DLG4: variants seen among roughly 807,000 people sequenced by gnomAD.
DLG4 encodes the protein discs large MAGUK scaffold protein 4.
A neutral mutation model predicts 93.8 loss-of-function variants in DLG4; 7 were observed. That is an observed-to-expected ratio of 0.07 (90% CI 0.04 to 0.14). The LOEUF is 0.14. Ranked by LOEUF, DLG4 falls within the 10% of genes least tolerant of loss-of-function variation. The pLI is 1.00. For missense variants in DLG4, 545 were observed against 992.9 expected, an observed-to-expected ratio of 0.55 and a Z score of 6.06; for synonymous variants, 341 against 387.6, an observed-to-expected ratio of 0.88 and a Z score of 1.41.
chr17:7,193,914 C>T lies in DLG4; in HGVS notation c.1516-43G>A. ...GCCACGGGGTTAGTTATGAGCTCAGCTCCATGAGCCCTCACACTTCCACCC... is the reference window on the plus strand; with the variant it reads ...GCCACGGGGTTAGTTATGAGCTCAGTTCCATGAGCCCTCACACTTCCACCC... On this transcript the variant is annotated intron_variant, in intron 13 of 19. Transcript: ENST00000399506. This position sits in a 1 kb window ranked among gnomAD's most constrained non-coding sequence, Gnocchi z 6.7. The T allele has an allele frequency of 1.2e-6, 2 of 1,613,020 alleles. No individual in the cohort carries two copies. Among genetic ancestry groups the T allele is most frequent in the Non-Finnish European group, 1.7e-6 (2 of 1,179,398 alleles).
upstream of DLG4, chr17:7,219,555 G>A: frequency 9.1e-7 from 1 of 1,103,490 alleles, no homozygotes; most frequent in Non-Finnish European, 1.1e-6. Flanking sequence ...GAACCCTAGA[G>A]TCTGTCTTTC....
rs1304031313 is a variant in DLG4 at position 7,217,377 on chromosome 17, G to A, written c.-230C>T. ...AAAGGGGCTCCCCAGTGGAGGGGAG[G>A]GGGCTTGGGGAGCACACCCCGATTC... On this transcript the variant is annotated 5_prime_UTR_variant, in exon 1 of 20. Coordinates refer to ENST00000399506, the MANE Select transcript of DLG4 (RefSeq NM_001321075.3). 2 of 514,598 alleles carry A rather than the reference G, an allele frequency of 3.9e-6. No homozygotes were observed. The highest frequency in any genetic ancestry group is 5.9e-6 in the Non-Finnish European group (2 of 337,814). 31.9% of individuals were successfully genotyped at this position (514,598 alleles called of 1,614,324 possible).
rs1022393996 is a variant in DLG4 at position 7,191,940 on chromosome 17, C to T, written c.1929G>A (p.Leu643=). 27 of 1,497,652 alleles carry T rather than the reference C, an allele frequency of 1.8e-5. No individual in the cohort carries two copies. Among genetic ancestry groups the T allele is most frequent in the Middle Eastern group, 1.8e-4 (1 of 5,582 alleles). 92.8% of individuals were successfully genotyped at this position (1,497,652 alleles called of 1,614,324 possible). ...NAVRRLQAAH[L]HPIAIFIRPR... is the part of the protein sequence containing the mutation. ...GGCGGATGAAGATGGCGATGGGGTG[C>T]AGGTGGGCCGCCTGCAGCCGCCGCA... is the stretch of plus-strand genomic sequence containing the variant. The change falls in exon 18 of 20, where the codon CTG becomes CTA. Residue 643 remains leucine (L), a synonymous_variant. Coordinates refer to ENST00000399506, the MANE Select transcript of DLG4 (RefSeq NM_001321075.3). This position sits in a 1 kb window ranked among gnomAD's most constrained non-coding sequence, Gnocchi z 6.6.
upstream of DLG4, chr17:7,219,663 C>T: frequency 1.5e-6 from 2 of 1,305,778 alleles, no homozygotes; most frequent in East Asian, 3.5e-5. Flanking sequence ...ACCTCCATCC[C>T]TCTGGCTGCA....
chr17:7,203,387 C>T lies in DLG4; in HGVS notation c.505+37G>A. 1.9e-6 allele frequency: 3 copies of T among 1,594,178 alleles called. No homozygotes were observed. Among genetic ancestry groups the T allele is most frequent in the Non-Finnish European group, 1.7e-6 (2 of 1,164,312 alleles). On this transcript the variant is annotated intron_variant, in intron 6 of 19. Transcript: ENST00000399506. This position sits in a 1 kb window ranked among gnomAD's most constrained non-coding sequence, Gnocchi z 7.2. ...AGGAAGCAGGCTTGGGGGCACAGGA[C>T]AGTTGGGATGGGGGTGGGAACAAAA...
rs759632708 is a variant in DLG4 at position 7,203,282 on chromosome 17, C to T, written c.553G>A (p.Gly185Arg). ...AGGVGNQHIPGDNSIYVTKII... is the reference protein window; with the variant it reads ...AGGVGNQHIPRDNSIYVTKII... ...TTTGTTACATAGATGCTATTATCTC[C>T]TGGGATGTGCTGGTTCCCTACGCCC... The change falls in exon 7 of 20, where the codon GGA becomes AGA. Residue 185 changes from glycine to arginine, a missense_variant. Physicochemically the swap from Gly to Arg is moderately radical, Grantham distance 125. Transcript: ENST00000399506. The surrounding 1 kb of genome is among the most constrained non-coding windows in gnomAD (Gnocchi z 7.2). 1 of 1,609,112 alleles carries T rather than the reference C, an allele frequency of 6.2e-7. No individual in the cohort carries two copies. Among genetic ancestry groups the T allele is most frequent in the South Asian group, 1.1e-5 (1 of 90,964 alleles).
chr17:7,192,858 G>A, intron 17 of DLG4, 87 bp downstream of exon 17: 1 of 1,401,142 alleles, frequency 7.1e-7, no homozygotes, highest in Non-Finnish European at 9.6e-7. Context: ...AAGAGACAGA[G>A]AGAGAGAGAG....
upstream of DLG4, chr17:7,218,469 G>A: frequency 6.8e-7 from 1 of 1,471,990 alleles, no homozygotes; most frequent in East Asian, 2.5e-5. Context: ...TGATCTCTGG[G>A]CTCCCAAACA....
chr17:7,191,766 T>C lies in DLG4; in HGVS notation c.1976+127A>G. 1 of 657,792 alleles carries C rather than the reference T, an allele frequency of 1.5e-6. No homozygotes were observed. Among genetic ancestry groups the C allele is most frequent in the Non-Finnish European group, 2.6e-6 (1 of 388,854 alleles). 40.7% of individuals were successfully genotyped at this position (657,792 alleles called of 1,614,324 possible). A position where few individuals can be genotyped will look rare whatever the true frequency, so the allele number is the denominator to read the frequency against. On this transcript the variant is annotated intron_variant, in intron 18 of 19. Coordinates refer to ENST00000399506, the MANE Select transcript of DLG4 (RefSeq NM_001321075.3). This position sits in a 1 kb window ranked among gnomAD's most constrained non-coding sequence, Gnocchi z 6.6. ...CCCCACATCCTCTGGGTTCCAGGGA[T>C]CCCCCTCAGGGGCTGCTGAAACCGC...
intron 2 of DLG4, among the ~76,000 whole-genome samples, chr17:7,207,108 G>A (rs2070499311): frequency 1.3e-5 from 2 of 151,916 alleles, no homozygotes; most frequent in African/African-American, 2.4e-5. Flanking sequence ...GATGATGGAG[G>A]GGGCAGAGGG....
At chr17:7,213,335 C>T (rs2142924369) in intron 1 of DLG4, among the ~76,000 whole-genome samples, 1 of 152,062 alleles carries the variant, frequency 6.6e-6, no homozygotes, top group African/African-American at 2.4e-5. Flanking sequence ...CGTGACCTCA[C>T]ATGATCCGCG....
chr17:7,202,710 G>A (rs976831822), intron 8 of DLG4, 193 bp downstream of exon 8: 25 of 739,508 alleles, frequency 3.4e-5, no homozygotes, highest in South Asian at 1.0e-4. Flanking sequence ...GAGAGAGATC[G>A]TTGACGATCT....
In DLG4 at chr17:7,187,638, G is replaced by C. The variant is rs1186312048; in HGVS notation, c.*3070C>G. On this transcript the variant is annotated 3_prime_UTR_variant, in exon 20 of 20. Coordinates refer to ENST00000399506, the MANE Select transcript of DLG4 (RefSeq NM_001321075.3). Reference sequence around the variant, plus strand: ...CAAATATGTGATTCTGCCCCTTCTAGTTTAACACGCAGACGCATTACCTGC... The same window carrying C: ...CAAATATGTGATTCTGCCCCTTCTACTTTAACACGCAGACGCATTACCTGC... Among the ~76,000 whole-genome samples, 1 of 152,076 alleles carries C rather than the reference G, an allele frequency of 6.6e-6. No homozygotes were observed. Among genetic ancestry groups the C allele is most frequent in the African/African-American group, 2.4e-5 (1 of 41,468 alleles).
chr17:7,207,926 G>C, intron 2 of DLG4: 1 of 536,378 alleles, frequency 1.9e-6, no homozygotes, highest in Non-Finnish European at 2.7e-6. Context: ...CCCTCCCCCA[G>C]ACCCCAGGAG....
rs758437498 is a variant in DLG4, at chr17:7,204,240, G to C, written c.109C>G (p.Pro37Ala). The C allele has an allele frequency of 6.3e-7, 1 of 1,595,514 alleles. No homozygotes were observed. The highest frequency in any genetic ancestry group is 8.6e-7 in the Non-Finnish European group (1 of 1,169,072). Reference protein sequence around the residue: ...AHLPNQANSPPVIVNTDTLEA... With the variant: ...AHLPNQANSPAVIVNTDTLEA... Reference sequence around the variant, plus strand: ...AGGGTATCTGTGTTGACAATCACTGGGGGAGAATTGGCCTGTTTGGGAAAA... The same window carrying C: ...AGGGTATCTGTGTTGACAATCACTGCGGGAGAATTGGCCTGTTTGGGAAAA... The change falls in exon 3 of 20, where the codon CCA becomes GCA. Residue 37 changes from proline to alanine, a missense_variant. By Grantham distance (27) the Pro-to-Ala change is conservative (BLOSUM62 -1). Around this residue, in one of 5 missense-constraint regions of DLG4, gnomAD observed 49 missense variants for 80.4 expected, o/e 0.61. Coordinates refer to ENST00000399506, the MANE Select transcript of DLG4 (RefSeq NM_001321075.3).
upstream of DLG4, chr17:7,219,938 A>AGGACGCCG: frequency 1.5e-6 from 1 of 674,800 alleles, no homozygotes. Flanking sequence ...GCAGGACGCC[A>AGGACGCCG]GAGCTGGGTC....
At chr17:7,219,899 C>G (rs2071098118), upstream of DLG4, 4 of 1,552,974 alleles carry the variant, frequency 2.6e-6, no homozygotes, top group Admixed American at 2.0e-5. Flanking sequence ...GACGATGAGT[C>G]AGGGTTAGGG....
chr17:7,193,814 C>T lies in DLG4; in HGVS notation c.1543+30G>A, dbSNP rs1432797072. ...CAAAAGCAACTCAGTGCTCCTCTCACCCACATCTTCCCGAACTAACCCTAC... is the reference window on the plus strand; with the variant it reads ...CAAAAGCAACTCAGTGCTCCTCTCATCCACATCTTCCCGAACTAACCCTAC... On this transcript the variant is annotated intron_variant, in intron 14 of 19. Transcript: ENST00000399506. This position sits in a 1 kb window ranked among gnomAD's most constrained non-coding sequence, Gnocchi z 6.7. The T allele has an allele frequency of 6.2e-7, 1 of 1,612,774 alleles. No homozygotes were observed. Among genetic ancestry groups the T allele is most frequent in the Admixed American group, 1.7e-5 (1 of 59,818 alleles).
intron 1 of DLG4, among the ~76,000 whole-genome samples, chr17:7,216,524 T>C (rs574963705): frequency 2.6e-5 from 4 of 152,008 alleles, no homozygotes; most frequent in Admixed American, 6.6e-5. Context: ...CTACCTCCAT[T>C]CTATATGACT....
Sources: allele counts gnomAD v4.1 joint callset (sites outside exome capture counted in the v4.1 genomes callset), GRCh38; gene constraint gnomAD v4.1.1; regional missense constraint gnomAD v4.1.1; non-coding constraint Gnocchi (gnomAD v3.1); transcripts MANE v1.5; gene names NCBI Gene and HGNC (gene_info 2026-07-23, HGNC 2026-07-21).